Variants in DCAKD observed in about 807,000 individuals in gnomAD.
DCAKD encodes the protein dephospho-CoA kinase domain-containing protein.
Under a neutral mutation model 18.7 loss-of-function variants are expected in DCAKD, and 15 were observed. The observed-to-expected ratio is 0.80, with a 90% CI of 0.54 to 1.24. The LOEUF is 1.24. DCAKD is among the 50% of genes most tolerant of loss of function. DCAKD has a pLI of 0.00. For synonymous variants in DCAKD, 130 were observed against 133.0 expected, an observed-to-expected ratio of 0.98 and a Z score of 0.16; for missense variants, 301 against 322.0, an observed-to-expected ratio of 0.93 and a Z score of 0.50.
At chr17:45,061,125 T>G (rs2053847035), upstream of DCAKD, 1 of 1,349,458 alleles carries the variant, frequency 7.4e-7, no homozygotes, top group Non-Finnish European at 9.5e-7. Flanking sequence ...GGCTTCCGGG[T>G]ATCAGTGGCC....
upstream of DCAKD, chr17:45,061,103 GCCGAATGC>G: frequency 1.5e-6 from 2 of 1,323,070 alleles, no homozygotes; most frequent in Non-Finnish European, 1.9e-6. Flanking sequence ...TCAAAGCGTG[GCCGAATGC>G]CTAGGCTTCC....
chr17:45,041,314 C>A (rs541118116), intron 1 of DCAKD, among the ~76,000 whole-genome samples: 1 of 151,722 alleles, frequency 6.6e-6, no homozygotes, highest in Admixed American at 6.6e-5. Flanking sequence ...AACATGCGGG[C>A]TCTTTTTTTT....
intron 1 of DCAKD, among the ~76,000 whole-genome samples, chr17:45,051,095 C>T (rs1326936543): frequency 6.6e-6 from 1 of 152,186 alleles, no homozygotes; most frequent in Non-Finnish European, 1.5e-5. Context: ...GCTTTATTCC[C>T]ATTTTTCAGA....
chr17:45,052,593 C>G (rs527737845), upstream of DCAKD, among the ~76,000 whole-genome samples: 27 of 151,942 alleles, frequency 1.8e-4, no homozygotes, highest in South Asian at 3.9e-3. Context: ...AAAAGCCGGG[C>G]ACGGTGGCTC....
chr17:45,034,666 C>T, intron 2 of DCAKD, 108 bp downstream of exon 2: 1 of 1,219,046 alleles, frequency 8.2e-7, no homozygotes, highest in Non-Finnish European at 1.2e-6. Context: ...CCAGGGTCAA[C>T]AGGAGCCTTC....
At chr17:45,054,734 C>T (rs541030117), upstream of DCAKD, among the ~76,000 whole-genome samples, 32 of 152,304 alleles carry the variant, frequency 2.1e-4, no homozygotes, top group Admixed American at 7.8e-4. Context: ...CTGTGGTTCT[C>T]ACCCTTTTCC....
rs1331616426 is a variant in DCAKD at position 45,034,519 on chromosome 17, G to A, written c.113-129C>T. The A allele has an allele frequency of 2.8e-6, 3 of 1,082,094 alleles. No homozygotes were observed. In the African/African-American group the frequency reaches 4.7e-5, roughly 17 times the overall value. The allele number at this position is 1,082,094 out of a possible 1,614,324, so 67.0% of individuals were successfully genotyped here. A position where few individuals can be genotyped will look rare whatever the true frequency, so the allele number is the denominator to read the frequency against. On this transcript the variant is annotated intron_variant, in intron 2 of 4. Transcript: ENST00000651974. ...TCAGGTGGAGCAAAAGCAAAATGAGGGTAGAGAAAGCAGTGAAGGAAAAGA... is the reference window on the plus strand; with the variant it reads ...TCAGGTGGAGCAAAAGCAAAATGAGAGTAGAGAAAGCAGTGAAGGAAAAGA...
upstream of DCAKD, among the ~76,000 whole-genome samples, chr17:45,053,851 C>G (rs1399314848): frequency 6.6e-6 from 1 of 152,202 alleles, no homozygotes; most frequent in African/African-American, 2.4e-5. Context: ...GCATGAGCCA[C>G]GGTGCCTCAC....
In DCAKD at chr17:45,024,729, G is replaced by T. The variant is rs2053019825; in HGVS notation, c.405-5C>A. 6.4e-7 allele frequency: 1 copy of T among 1,562,014 alleles called. No homozygotes were observed. The highest frequency in any genetic ancestry group is 8.7e-7 in the Non-Finnish European group (1 of 1,150,190). ...GCCAGCTGTGTGTCCCGGTCGCTAAGGATAGGGCAAAAGGGCACTGTAGGT... is the reference window on the plus strand; with the variant it reads ...GCCAGCTGTGTGTCCCGGTCGCTAATGATAGGGCAAAAGGGCACTGTAGGT... On this transcript the variant is annotated splice_region_variant and splice_polypyrimidine_tract_variant and intron_variant, in intron 4 of 4. Transcript: ENST00000651974.
upstream of DCAKD, among the ~76,000 whole-genome samples, chr17:45,056,481 T>A (rs34886378): frequency 0.22 from 33,555 of 151,472 alleles, 4,253 homozygotes; most frequent in African/African-American, 0.33. Flanking sequence ...TATATATATT[T>A]TTTTTTTCCC....
chr17:45,033,213 G>T (rs1470580193), intron 3 of DCAKD, among the ~76,000 whole-genome samples: 1 of 136,236 alleles, frequency 7.3e-6, no homozygotes, highest in Admixed American at 7.5e-5. Flanking sequence ...AAATAAAAAA[G>T]AACAGGGCTT....
Position 45,024,493 on chromosome 17 carries a change from C to T in DCAKD, c.636G>A (p.Gly212=), listed in dbSNP as rs968791410. Residue 212 remains glycine (G), a synonymous_variant, in exon 5 of 5, where the codon GGG becomes GGA. Transcript: ENST00000651974. ...AGAGGAGGCTGGCAATGGCAGCGAG[C>T]CCTGTGAGGACCCCAAACCTCAGCG... The part of the protein sequence containing the change: ...YLPLRFGVLT[G]LAAIASLLYL... The T allele has an allele frequency of 6.2e-7, 1 of 1,613,828 alleles. No individual in the cohort carries two copies. The highest frequency in any genetic ancestry group is 1.7e-5 in the Admixed American group (1 of 60,010).
chr17:45,037,767 C>CT (rs1379583192), intron 1 of DCAKD, among the ~76,000 whole-genome samples: 1,840 of 110,878 alleles, frequency 0.017, 34 homozygotes, highest in African/African-American at 0.042. Flanking sequence ...GCTTCAAGAG[C>CT]TTTTTTTTTT....
At position 45,030,112 on chromosome 17, in the gene DCAKD, C is replaced by T. The variant is rs2053144742; in HGVS notation, c.384G>A (p.Lys128=). The change falls in exon 4 of 5, where the codon AAG becomes AAA. Residue 128 remains lysine, a synonymous_variant. Transcript: ENST00000651974. ...CTCACCAGTATACTACCACGGTGTG[C>T]TTCATGTACTTGAGCAACTTCTTGG... ...FETKKLLKYM[K]HTVVVYCDRD... is the part of the protein sequence containing the mutation. 1.1e-5 allele frequency: 18 copies of T among 1,614,082 alleles called. No individual in the cohort carries two copies. The highest frequency in any genetic ancestry group is 1.5e-5 in the Non-Finnish European group (18 of 1,179,938).
In DCAKD at chr17:45,034,257, C is replaced by T; in HGVS notation, c.246G>A (p.Leu82=). The stretch of plus-strand genomic sequence containing the variant: ...TCTCGGGGTGGGTGATGGCGTTGAG[C>T]AGCTGCCGCCGGTCAGGCTGGTTAA... ...LIFNQPDRRQ[L]LNAITHPEIR... The change falls in exon 3 of 5, where the codon CTG becomes CTA. Residue 82 remains leucine, a synonymous_variant. Transcript: ENST00000651974. 2 of 1,614,166 alleles carry T rather than the reference C, an allele frequency of 1.2e-6. No individual in the cohort carries two copies. The highest frequency in any genetic ancestry group is 1.7e-5 in the Admixed American group (1 of 60,026).
intron 2 of DCAKD, 98 bp downstream of exon 2, chr17:45,034,675 TC>T: frequency 7.8e-7 from 1 of 1,278,142 alleles, no homozygotes; most frequent in Non-Finnish European, 1.1e-6. Context: ...ACAGGAGCCT[TC>T]CCCTCCTCTG....
At chr17:45,055,948 G>A (rs1396499927), upstream of DCAKD, among the ~76,000 whole-genome samples, 2 of 152,200 alleles carry the variant, frequency 1.3e-5, no homozygotes, top group African/African-American at 4.8e-5. Flanking sequence ...GAGGTCAGGA[G>A]TTTGAGACTA....
At chr17:45,059,553 A>G (rs2053825743) in intron 1 of DCAKD, among the ~76,000 whole-genome samples, 1 of 152,210 alleles carries the variant, frequency 6.6e-6, no homozygotes, top group Non-Finnish European at 1.5e-5. Context: ...GAAACATTCA[A>G]TCAAGGTTAA....
Position 45,024,306 on chromosome 17 carries a change from T to C in DCAKD, c.*127A>G, listed in dbSNP as rs1048216427. The C allele has an allele frequency of 4.0e-4, 186 of 469,370 alleles. 3 individuals are homozygous for C. Among genetic ancestry groups the C allele is most frequent in the Admixed American group, 5.6e-4 (11 of 19,498 alleles). The allele number at this position is 469,370 out of a possible 1,614,324, so 29.1% of individuals were successfully genotyped here. On this transcript the variant is annotated 3_prime_UTR_variant, in exon 5 of 5. Coordinates refer to ENST00000651974, the MANE Select transcript of DCAKD (RefSeq NM_001288655.2). ...GAGTCCGTGTGTGTGTGTGTGTGTG[T>C]GTGTGTGTGTGTGTGTGTGTGTGTG...
Sources: gnomAD v4.1 joint callset for allele counts (sites outside exome capture counted in the v4.1 genomes callset) on GRCh38, gnomAD v4.1.1 for gene constraint, MANE v1.5 for transcripts, NCBI Gene and HGNC (gene_info 2026-07-23, HGNC 2026-07-21) for gene names.